ST8SIA4: variants seen among roughly 807,000 people sequenced by gnomAD.
ST8SIA4 encodes the protein CMP-N-acetylneuraminate-poly-alpha-2,8-sialyltransferase.
ST8SIA4 carries 15 observed loss-of-function variants against 33.9 expected under a neutral mutation model. The ratio of observed to expected loss-of-function variants is 0.44; its 90% CI spans 0.30 to 0.68. ST8SIA4 has a LOEUF of 0.68. ST8SIA4 is among the 30% of genes least tolerant of loss of function. The pLI is 0.10. For missense variants in ST8SIA4, 321 were observed against 428.0 expected (o/e 0.75, Z 2.21); for synonymous variants, 171 against 151.2 (o/e 1.13, Z -0.96).
chr5:100,817,862 C>G (rs1408225160), intron 4 of ST8SIA4, among the ~76,000 whole-genome samples: 1 of 152,120 alleles, frequency 6.6e-6, no homozygotes, highest in Non-Finnish European at 1.5e-5. Flanking sequence ...AAGGGACAGA[C>G]AGACATATTT....
chr5:100,844,672 A>G (rs1023156499), intron 4 of ST8SIA4, among the ~76,000 whole-genome samples: 8 of 152,024 alleles, frequency 5.3e-5, no homozygotes, highest in Non-Finnish European at 8.8e-5. Flanking sequence ...TTAGGCTCAA[A>G]CTGGAAACTG....
chr5:100,850,535 A>C (rs1751669032), intron 4 of ST8SIA4, among the ~76,000 whole-genome samples: 1 of 152,020 alleles, frequency 6.6e-6, no homozygotes, highest in Admixed American at 6.5e-5. Flanking sequence ...ATAATAGTTC[A>C]TAATAATTAG....
At chr5:100,814,346 TTAATC>T (rs1750870979) in intron 4 of ST8SIA4, among the ~76,000 whole-genome samples, 2 of 151,978 alleles carry the variant, frequency 1.3e-5, no homozygotes. Context: ...TCTAAATAAA[TTAATC>T]TATGCAGTTA....
At chr5:100,880,898 G>A (rs1436327907) in intron 3 of ST8SIA4, among the ~76,000 whole-genome samples, 3 of 152,216 alleles carry the variant, frequency 2.0e-5, no homozygotes, top group East Asian at 1.9e-4. Flanking sequence ...ATGTGCCTGT[G>A]GGTGTGTATA....
intron 4 of ST8SIA4, among the ~76,000 whole-genome samples, chr5:100,855,178 G>C (rs1396278621): frequency 6.6e-6 from 1 of 152,024 alleles, no homozygotes; most frequent in Non-Finnish European, 1.5e-5. Flanking sequence ...ATTTCCTTCT[G>C]TTTGGTTTTC....
chr5:100,872,750 T>C (rs10069305), intron 3 of ST8SIA4, among the ~76,000 whole-genome samples: 45,349 of 151,816 alleles, frequency 0.3, 6,921 homozygotes, highest in Middle Eastern at 0.33. Context: ...TCTTTATAAA[T>C]TACCCAGTCT....
intron 3 of ST8SIA4, among the ~76,000 whole-genome samples, chr5:100,868,068 C>T (rs1436413332): frequency 6.6e-6 from 1 of 151,954 alleles, no homozygotes; most frequent in Non-Finnish European, 1.5e-5. Flanking sequence ...CTAAAAATTC[C>T]TCTCAGAATT....
rs1438216913 is a variant in ST8SIA4, at chr5:100,807,571, C to CTTT, written c.*4273_*4275dup. Reference sequence around the variant, plus strand: ...CTAGCTTGAAGCCTTTACTTTTCTTCTTTATTATTAAGATTTGGACATACT... The same window carrying CTTT: ...CTAGCTTGAAGCCTTTACTTTTCTTCTTTTTTATTATTAAGATTTGGACATACT... On this transcript the variant is annotated 3_prime_UTR_variant, in exon 5 of 5. Transcript: ENST00000231461. The CTTT allele has an allele frequency of 3.3e-5, 5 of 152,564 alleles. No individual in the cohort carries two copies. The highest frequency in any genetic ancestry group is 3.4e-3 in the Middle Eastern group (1 of 294). 9.5% of individuals were successfully genotyped at this position (152,564 alleles called of 1,614,324 possible).
At chr5:100,851,420 A>G (rs1751694783) in intron 4 of ST8SIA4, among the ~76,000 whole-genome samples, 1 of 152,092 alleles carries the variant, frequency 6.6e-6, no homozygotes, top group Non-Finnish European at 1.5e-5. Context: ...CAACAAGAAC[A>G]AATGAGAAGT....
At chr5:100,894,249 A>T (rs17725452) in intron 2 of ST8SIA4, among the ~76,000 whole-genome samples, 35,926 of 151,978 alleles carry the variant, frequency 0.24, 5,153 homozygotes, top group Non-Finnish European at 0.32. Flanking sequence ...ATTTCTCAAG[A>T]GTTTATGGAA....
chr5:100,891,300 T>C, intron 2 of ST8SIA4, among the ~76,000 whole-genome samples: 1 of 151,992 alleles, frequency 6.6e-6, no homozygotes, highest in South Asian at 2.1e-4. Flanking sequence ...TCACTGTAAA[T>C]TAAGTTAGTA....
At chr5:100,817,109 A>ATTTTTTTTTTTT (rs57222657) in intron 4 of ST8SIA4, among the ~76,000 whole-genome samples, 5 of 74,362 alleles carry the variant, frequency 6.7e-5, no homozygotes, top group Non-Finnish European at 9.0e-5. Context: ...CACCCAGCTA[A>ATTTTTTTTTTTT]TTTTTTTTTT....
At chr5:100,842,527 A>G (rs1751490399) in intron 4 of ST8SIA4, among the ~76,000 whole-genome samples, 1 of 151,864 alleles carries the variant, frequency 6.6e-6, no homozygotes, top group African/African-American at 2.4e-5. Context: ...CCTCAACACT[A>G]TCCCCAGTTT....
chr5:100,841,599 A>G (rs1399732931), intron 4 of ST8SIA4, among the ~76,000 whole-genome samples: 1 of 151,624 alleles, frequency 6.6e-6, no homozygotes, highest in East Asian at 1.9e-4. Flanking sequence ...GTGCACTTTC[A>G]TTTTCAATAA....
chr5:100,855,739 C>G (rs1209292659), intron 4 of ST8SIA4, among the ~76,000 whole-genome samples: 2 of 152,170 alleles, frequency 1.3e-5, no homozygotes, highest in East Asian at 3.9e-4. Context: ...AACATTTATG[C>G]TTACACAATA....
intron 1 of ST8SIA4, among the ~76,000 whole-genome samples, chr5:100,901,227 G>A (rs1225277419): frequency 2.0e-5 from 3 of 152,156 alleles, no homozygotes; most frequent in Non-Finnish European, 4.4e-5. Context: ...GGCAGTATCT[G>A]GCGACCCTCT....
chr5:100,898,916 A>G (rs181641776), intron 1 of ST8SIA4, among the ~76,000 whole-genome samples: 6 of 152,360 alleles, frequency 3.9e-5, no homozygotes, highest in Admixed American at 1.3e-4. Flanking sequence ...AATCAATATA[A>G]TACAAAGGAT....
At chr5:100,883,527 G>A (rs1398221670) in intron 3 of ST8SIA4, among the ~76,000 whole-genome samples, 1 of 152,158 alleles carries the variant, frequency 6.6e-6, no homozygotes, top group East Asian at 1.9e-4. Flanking sequence ...AGGCATGACT[G>A]GTTTTGAAAT....
chr5:100,862,429 C>T (rs1016776520), intron 3 of ST8SIA4, among the ~76,000 whole-genome samples: 2 of 152,028 alleles, frequency 1.3e-5, no homozygotes, highest in Admixed American at 6.6e-5. Flanking sequence ...GATGGAGTCT[C>T]ACACTGTCGC....
Sources: allele counts gnomAD v4.1 joint callset (sites outside exome capture counted in the v4.1 genomes callset), GRCh38; gene constraint gnomAD v4.1.1; transcripts MANE v1.5; gene names NCBI Gene and HGNC (gene_info 2026-07-23, HGNC 2026-07-21).